Variants in MAPK14 observed in about 807,000 individuals in gnomAD.
The protein encoded by MAPK14 is mitogen-activated protein kinase 14, also known as CSAID-binding protein.
In MAPK14, 16 loss-of-function variants were observed where a neutral mutation model predicts 49.6. The ratio of observed to expected loss-of-function variants is 0.32; its 90% CI spans 0.22 to 0.49. The LOEUF (loss-of-function observed/expected upper bound fraction) is 0.49, where lower values mean the gene tolerates loss of function less well. Ranked by LOEUF, MAPK14 falls within the 20% of genes least tolerant of loss-of-function variation. The pLI is 0.99. For synonymous variants in MAPK14, 142 were observed against 158.0 expected (o/e 0.90, Z 0.76); for missense variants, 200 against 441.2 (o/e 0.45, Z 4.90).
rs1765431491 is a variant in MAPK14, at chr6:36,096,017, T to C, written c.713T>C (p.Leu238Pro). ...HIDQLKLILR[L>P]VGTPGAELLK... Reference sequence around the variant, plus strand: ...GATCAGTTGAAGCTCATTTTAAGACTCGTTGGAACCCCAGGGGCTGAGCTT... The same window carrying C: ...GATCAGTTGAAGCTCATTTTAAGACCCGTTGGAACCCCAGGGGCTGAGCTT... The change falls in exon 9 of 12, where the codon CTC (leucine) becomes CCC (proline). Residue 238 changes from leucine (L) to proline (P), a missense_variant. This residue lies in a region of MAPK14 where 170 missense variants were observed against 407.0 expected (regional missense o/e 0.42). Transcript: ENST00000229794. 1.2e-6 allele frequency: 2 copies of C among 1,613,288 alleles called. No individual in the cohort carries two copies. The highest frequency in any genetic ancestry group is 8.5e-7 in the Non-Finnish European group (1 of 1,179,326).
the MAPK14 span, among the ~76,000 whole-genome samples, chr6:36,123,349 C>A: frequency 6.6e-6 from 1 of 152,176 alleles, no homozygotes; most frequent in African/African-American, 2.4e-5. Flanking sequence ...GGGGGCCCCA[C>A]AAGGATGAGG....
chr6:36,076,046 G>A (rs1257596888), intron 7 of MAPK14, 84 bp downstream of exon 7: 172 of 1,413,322 alleles, frequency 1.2e-4, no homozygotes, highest in Non-Finnish European at 1.6e-4. Flanking sequence ...GATGGTGGGA[G>A]TGGGAAGAAA....
rs745636935 is a variant in MAPK14, at chr6:36,075,863, C to T, written c.511C>T (p.Leu171=). 3.7e-6 allele frequency: 6 copies of T among 1,613,720 alleles called. No individual in the cohort carries two copies. Among genetic ancestry groups the T allele is most frequent in the Non-Finnish European group, 5.1e-6 (6 of 1,180,018 alleles). Residue 171 remains leucine (L), a synonymous_variant, in exon 7 of 12, where the codon CTG becomes TTG. Transcript: ENST00000229794. ...TGCCCTTTAGATTCTGGATTTTGGA[C>T]TGGCTCGGCACACAGATGATGAAAT... ...DCELKILDFG[L]ARHTDDEMTG... is the part of the protein sequence containing the mutation.
intron 1 of MAPK14, 56 bp from the exon 2 acceptor site, chr6:36,052,643 A>G: frequency 3.3e-6 from 5 of 1,506,070 alleles, no homozygotes; most frequent in African/African-American, 1.4e-5. Context: ...AAATACCCCA[A>G]AATAATATTT....
intron 3 of MAPK14, among the ~76,000 whole-genome samples, chr6:36,071,726 G>A (rs1464579363): frequency 6.6e-6 from 1 of 152,222 alleles, no homozygotes; most frequent in Non-Finnish European, 1.5e-5. Context: ...AAATGTAGCG[G>A]TGGATTTAAA....
intron 8 of MAPK14, chr6:36,091,958 T>G (rs1008067602): frequency 9.9e-5 from 29 of 292,878 alleles, no homozygotes; most frequent in Admixed American, 2.4e-4. Context: ...GGTAGTCTCA[T>G]TTACAAAAAT....
At chr6:36,097,590 C>T (rs1483530134) in intron 9 of MAPK14, 2 of 152,132 alleles carry the variant, frequency 1.3e-5, no homozygotes, top group Non-Finnish European at 2.9e-5. Flanking sequence ...AAATTCATTT[C>T]CTTCCTGAGA....
At chr6:36,096,154 G>T (rs931185556) in intron 9 of MAPK14, 88 bp downstream of exon 9, 2 of 897,374 alleles carry the variant, frequency 2.2e-6, no homozygotes, top group Admixed American at 3.9e-5. Context: ...GGGTGTGTTT[G>T]TAAGCACACA....
intron 3 of MAPK14, among the ~76,000 whole-genome samples, chr6:36,066,267 T>C (rs1290709598): frequency 6.6e-6 from 1 of 152,162 alleles, no homozygotes; most frequent in African/African-American, 2.4e-5. Flanking sequence ...CTATTTCTCA[T>C]CACATTTTTC....
chr6:36,072,333 AAAAAG>A (rs1374601814), intron 3 of MAPK14, among the ~76,000 whole-genome samples: 1 of 152,118 alleles, frequency 6.6e-6, no homozygotes, highest in Non-Finnish European at 1.5e-5. Flanking sequence ...TGTCTCTAAA[AAAAAG>A]AAAAGTAAAA....
chr6:36,088,737 A>T (rs1477581199), intron 8 of MAPK14, among the ~76,000 whole-genome samples: 3 of 151,986 alleles, frequency 2.0e-5, no homozygotes, highest in African/African-American at 7.3e-5. Context: ...AAAAAAAAAA[A>T]TATTGGCAAA....
At chr6:36,100,395 C>T in intron 9 of MAPK14, 1 of 707,294 alleles carries the variant, frequency 1.4e-6, no homozygotes, top group South Asian at 1.6e-5. Context: ...TGCCTATGTG[C>T]TATTGCAAGA....
chr6:36,067,859 T>G (rs1165276534), intron 3 of MAPK14, among the ~76,000 whole-genome samples: 2 of 152,110 alleles, frequency 1.3e-5, no homozygotes, highest in Non-Finnish European at 2.9e-5. Context: ...GAGTGCCTAC[T>G]ATCTATCAGA....
chr6:36,064,983 C>T (rs1280351365), intron 3 of MAPK14, among the ~76,000 whole-genome samples: 1 of 152,206 alleles, frequency 6.6e-6, no homozygotes, highest in Non-Finnish European at 1.5e-5. Flanking sequence ...TACAGACAAC[C>T]ACATTTGCAA....
intron 8 of MAPK14, among the ~76,000 whole-genome samples, chr6:36,083,766 C>A (rs1160664212): frequency 6.6e-6 from 1 of 152,222 alleles, no homozygotes; most frequent in East Asian, 1.9e-4. Flanking sequence ...CAGAGTTAGT[C>A]TTTCCCCTTG....
At chr6:36,088,193 A>G (rs1375922430) in intron 8 of MAPK14, among the ~76,000 whole-genome samples, 2 of 152,204 alleles carry the variant, frequency 1.3e-5, no homozygotes, top group Non-Finnish European at 1.5e-5. Flanking sequence ...AATCTAGGCA[A>G]TATCATTAAG....
intron 3 of MAPK14, among the ~76,000 whole-genome samples, chr6:36,062,602 A>C (rs1285278310): frequency 1.3e-5 from 2 of 151,792 alleles, no homozygotes; most frequent in African/African-American, 4.8e-5. Flanking sequence ...TTAAATGCTA[A>C]TTAGCAAAAT....
At chr6:36,103,814 A>G (rs1177096190) in intron 10 of MAPK14, among the ~76,000 whole-genome samples, 1 of 152,208 alleles carries the variant, frequency 6.6e-6, no homozygotes, top group Non-Finnish European at 1.5e-5. Context: ...ATGCTATGGT[A>G]ACGAGTATAA....
At chr6:36,090,909 A>C (rs1238940594) in intron 8 of MAPK14, among the ~76,000 whole-genome samples, 1 of 152,234 alleles carries the variant, frequency 6.6e-6, no homozygotes, top group Non-Finnish European at 1.5e-5. Flanking sequence ...TCCATAAACC[A>C]AGGGTCCCTT....
Sources: allele counts gnomAD v4.1 joint callset (sites outside exome capture counted in the v4.1 genomes callset), GRCh38; gene constraint gnomAD v4.1.1; regional missense constraint gnomAD v4.1.1; transcripts MANE v1.5; gene names NCBI Gene and HGNC (gene_info 2026-07-23, HGNC 2026-07-21).